Variants in DCC observed in about 807,000 individuals in gnomAD.
DCC encodes DCC netrin 1 receptor, also known as netrin receptor DCC.
Under a neutral mutation model 172.5 loss-of-function variants are expected in DCC, and 58 were observed. The observed-to-expected ratio is 0.34, with a 90% CI of 0.27 to 0.42. DCC has a LOEUF of 0.42. DCC is among the 10% of genes least tolerant of loss of function. The pLI is 1.00. For synonymous variants in DCC, 709 were observed against 644.5 expected (o/e 1.10, Z -1.52); for missense variants, 1,740 against 1,791.0 (o/e 0.97, Z 0.51).
chr18:52,796,262 G>GA (rs1297519841), intron 2 of DCC, among the ~76,000 whole-genome samples: 2 of 151,546 alleles, frequency 1.3e-5, no homozygotes, highest in Non-Finnish European at 2.9e-5. Context: ...AATAAGTGAG[G>GA]ACTTACTCTT....
At chr18:52,926,944 T>G (rs2040215214) in intron 5 of DCC, among the ~76,000 whole-genome samples, 1 of 115,334 alleles carries the variant, frequency 8.7e-6, no homozygotes, top group Admixed American at 8.2e-5. Flanking sequence ...TAAACGTATA[T>G]GATATATACA....
intron 1 of DCC, among the ~76,000 whole-genome samples, chr18:52,563,388 A>G (rs2033084083): frequency 6.6e-6 from 1 of 152,166 alleles, no homozygotes; most frequent in African/African-American, 2.4e-5. Context: ...TTGACACCAG[A>G]GACAATTTGC....
At chr18:52,435,314 C>G (rs1987755940) in intron 1 of DCC, among the ~76,000 whole-genome samples, 1 of 151,988 alleles carries the variant, frequency 6.6e-6, no homozygotes, top group Non-Finnish European at 1.5e-5. Flanking sequence ...TGTGTGTGTG[C>G]TAAATAGATC....
chr18:52,609,374 G>A (rs538240390), intron 1 of DCC, among the ~76,000 whole-genome samples: 2 of 151,948 alleles, frequency 1.3e-5, no homozygotes, highest in Non-Finnish European at 2.9e-5. Context: ...ACGAACAGAG[G>A]TTTTGATCTT....
At chr18:52,450,576 CTGTT>C (rs1444018219) in intron 1 of DCC, among the ~76,000 whole-genome samples, 2 of 152,176 alleles carry the variant, frequency 1.3e-5, no homozygotes, top group Non-Finnish European at 2.9e-5. Context: ...CTGGGAAAAA[CTGTT>C]TGGCCTGCCC....
intron 1 of DCC, among the ~76,000 whole-genome samples, chr18:52,349,453 G>C (rs558171531): frequency 4.6e-5 from 7 of 152,280 alleles, no homozygotes; most frequent in African/African-American, 1.4e-4. Context: ...AATCTGCAAA[G>C]CTTTTCCTTT....
chr18:52,977,911 AAAG>A, intron 5 of DCC, among the ~76,000 whole-genome samples: 1 of 139,224 alleles, frequency 7.2e-6, no homozygotes, highest in South Asian at 2.6e-4. Context: ...GAAAAAAGAA[AAAG>A]AAAAAAAAAG....
intron 25 of DCC, among the ~76,000 whole-genome samples, chr18:53,474,269 T>C (rs955819507): frequency 2.6e-5 from 4 of 152,102 alleles, no homozygotes; most frequent in Admixed American, 1.3e-4. Context: ...TGGAGTACAA[T>C]GCAGCAATAA....
intron 5 of DCC, among the ~76,000 whole-genome samples, chr18:52,959,400 T>C (rs1598971152): frequency 6.6e-6 from 1 of 152,250 alleles, no homozygotes; most frequent in African/African-American, 2.4e-5. Context: ...CTGTGTGGTC[T>C]TGGATGAGTT....
chr18:52,388,211 C>A (rs1423922515), intron 1 of DCC, among the ~76,000 whole-genome samples: 1 of 150,934 alleles, frequency 6.6e-6, no homozygotes, highest in Non-Finnish European at 1.5e-5. Flanking sequence ...TTTTTTTTTT[C>A]TGCTAATTGA....
intron 7 of DCC, among the ~76,000 whole-genome samples, chr18:53,092,879 A>ACG (rs2043034201): frequency 6.6e-6 from 1 of 152,140 alleles, no homozygotes; most frequent in African/African-American, 2.4e-5. Context: ...ATGTACACAC[A>ACG]CACACACAAT....
intron 2 of DCC, among the ~76,000 whole-genome samples, chr18:52,866,357 A>G (rs1427697098): frequency 1.3e-5 from 2 of 152,060 alleles, no homozygotes; most frequent in Non-Finnish European, 2.9e-5. Flanking sequence ...TTTGCTTAGG[A>G]TTGTCTTGGC....
chr18:53,271,001 A>G (rs2144706068), intron 12 of DCC, among the ~76,000 whole-genome samples: 1 of 152,294 alleles, frequency 6.6e-6, no homozygotes, highest in African/African-American at 2.4e-5. Context: ...AAAATTTTCA[A>G]TAACTACCAC....
In DCC at chr18:53,001,594, A is replaced by G. The variant is rs115182533; in HGVS notation, c.986-61711A>G. 6.5e-3 allele frequency among the ~76,000 whole-genome samples: 983 copies of G among 152,232 alleles called. 13 individuals are homozygous for G. The highest frequency in any genetic ancestry group is 0.022 in the African/African-American group (901 of 41,552). ...AAAGTTTCAGTATTATCTATAAGCT[A>G]CAAGAGACTGTTTCCTGTTTGATTA... On this transcript the variant is annotated intron_variant, in intron 5 of 28. Transcript: ENST00000442544.
intron 5 of DCC, among the ~76,000 whole-genome samples, chr18:52,965,401 C>A (rs1455196322): frequency 6.6e-6 from 1 of 152,044 alleles, no homozygotes; most frequent in Non-Finnish European, 1.5e-5. Context: ...CCTCCTCCTC[C>A]AAACTATACT....
At chr18:52,947,287 T>G (rs1356531875) in intron 5 of DCC, among the ~76,000 whole-genome samples, 2 of 152,224 alleles carry the variant, frequency 1.3e-5, no homozygotes, top group Non-Finnish European at 2.9e-5. Flanking sequence ...CTAGAAGCCT[T>G]TTAGAAAAGT....
In DCC at chr18:53,124,601, G is replaced by C. The variant is rs546204132; in HGVS notation, c.1262-32755G>C. ...TTGTTCAGTGAGACAACATTGCTCT[G>C]TAAGAGGGTCCTGTAAGACTGGGAG... is the stretch of plus-strand genomic sequence containing the variant. On this transcript the variant is annotated intron_variant, in intron 7 of 28. Transcript: ENST00000442544. Among the ~76,000 whole-genome samples, 4 of 152,160 alleles carry C rather than the reference G, an allele frequency of 2.6e-5. No individual in the cohort carries two copies. The South Asian group carries it at 8.3e-4, about 32-fold the overall frequency.
intron 1 of DCC, among the ~76,000 whole-genome samples, chr18:52,581,780 T>C (rs1014285020): frequency 6.6e-6 from 1 of 152,172 alleles, no homozygotes; most frequent in African/African-American, 2.4e-5. Flanking sequence ...TTGCAAATTA[T>C]TTATTCACAA....
chr18:53,312,815 A>AAAAG (rs1411956011), intron 13 of DCC, among the ~76,000 whole-genome samples: 2 of 149,536 alleles, frequency 1.3e-5, no homozygotes, highest in African/African-American at 4.9e-5. Flanking sequence ...TCTCAAAAAA[A>AAAAG]AAAAAAAAAA....
Sources: gnomAD v4.1 joint callset for allele counts (sites outside exome capture counted in the v4.1 genomes callset) on GRCh38, gnomAD v4.1.1 for gene constraint, MANE v1.5 for transcripts, NCBI Gene and HGNC (gene_info 2026-07-23, HGNC 2026-07-21) for gene names.